The following MYOM1 variants were observed in gnomAD, a reference collection of about 807,000 sequenced individuals.
MYOM1 encodes myomesin-1.
In MYOM1, 164 loss-of-function variants were observed where a neutral mutation model predicts 205.3. That is an observed-to-expected ratio of 0.80 (90% CI 0.70 to 0.91). MYOM1 has a LOEUF of 0.91. MYOM1 is among the 40% of genes least tolerant of loss of function. The pLI is 0.00. For missense variants in MYOM1, 2,011 were observed against 2,127.3 expected, an observed-to-expected ratio of 0.95 and a Z score of 1.08; for synonymous variants, 772 against 789.4, an observed-to-expected ratio of 0.98 and a Z score of 0.37.
At chr18:3,178,526 A>G (rs578085784) in intron 5 of MYOM1, among the ~76,000 whole-genome samples, 1 of 152,334 alleles carries the variant, frequency 6.6e-6, no homozygotes, top group South Asian at 2.1e-4. Context: ...GGAAGGAAGA[A>G]TACTGGCTTC....
At chr18:3,199,007 A>T (rs1248568262) in intron 2 of MYOM1, among the ~76,000 whole-genome samples, 1 of 152,156 alleles carries the variant, frequency 6.6e-6, no homozygotes, top group Non-Finnish European at 1.5e-5. Flanking sequence ...GGGCTCTGAA[A>T]ATCAATCAAA....
the MYOM1 span, among the ~76,000 whole-genome samples, chr18:3,233,586 A>C: frequency 6.6e-6 from 1 of 152,234 alleles, no homozygotes; most frequent in Non-Finnish European, 1.5e-5. Flanking sequence ...ATTACTGGGT[A>C]GCACTGCCAG....
intron 12 of MYOM1, among the ~76,000 whole-genome samples, 154 bp from the exon 13 acceptor site, chr18:3,149,355 G>C (rs1046743229): frequency 6.6e-6 from 1 of 152,178 alleles, no homozygotes; most frequent in Non-Finnish European, 1.5e-5. Context: ...ATCATGTAGA[G>C]GGCACTGTGG....
At chr18:3,173,114 T>C (rs569763532) in intron 8 of MYOM1, among the ~76,000 whole-genome samples, 16 of 152,380 alleles carry the variant, frequency 1.1e-4, no homozygotes, top group Non-Finnish European at 2.1e-4. Context: ...TGTAAGTATA[T>C]AATTATTTCA....
the MYOM1 span, among the ~76,000 whole-genome samples, chr18:3,241,115 T>C: frequency 6.6e-6 from 1 of 152,128 alleles, no homozygotes; most frequent in Non-Finnish European, 1.5e-5. Context: ...GAAAATGCAA[T>C]AGAAAAGAAA....
chr18:3,100,393 A>C lies in MYOM1; in HGVS notation c.3609T>G (p.Asp1203Glu). The C allele has an allele frequency of 6.2e-7, 1 of 1,613,980 alleles. No homozygotes were observed. Among genetic ancestry groups the C allele is most frequent in the Non-Finnish European group, 8.5e-7 (1 of 1,179,876 alleles). The change falls in exon 24 of 38, where the codon GAT becomes GAG. Residue 1203 changes from aspartate to glutamate, a missense_variant. By Grantham distance (45) the Asp-to-Glu change is conservative. Coordinates refer to ENST00000356443, the MANE Select transcript of MYOM1 (RefSeq NM_003803.4). ...TKMTFKDLGMDDLGIYSCDVT... is the reference protein window; with the variant it reads ...TKMTFKDLGMEDLGIYSCDVT... ...CATCGCAAGAGTAAATACCCAAGTC[A>C]TCCATCCCAAGGTCTTTGAAGGTCA... is the stretch of plus-strand genomic sequence containing the variant.
chr18:3,139,202 G>A (rs1278839467), intron 14 of MYOM1, among the ~76,000 whole-genome samples: 1 of 152,206 alleles, frequency 6.6e-6, no homozygotes, highest in Non-Finnish European at 1.5e-5. Flanking sequence ...GTTAACTCAT[G>A]TAAGGTGCTT....
chr18:3,108,861 T>C (rs2079486573), intron 22 of MYOM1, among the ~76,000 whole-genome samples: 1 of 151,922 alleles, frequency 6.6e-6, no homozygotes, highest in Non-Finnish European at 1.5e-5. Context: ...TCAGAATTTC[T>C]AACATGCCCC....
chr18:3,211,031 T>C (rs1263368055), intron 2 of MYOM1, among the ~76,000 whole-genome samples: 3 of 152,236 alleles, frequency 2.0e-5, no homozygotes, highest in Non-Finnish European at 4.4e-5. Flanking sequence ...ACTGTCACCA[T>C]GGAAGGTTGA....
At chr18:3,108,128 C>T (rs2079475267) in intron 22 of MYOM1, among the ~76,000 whole-genome samples, 1 of 152,106 alleles carries the variant, frequency 6.6e-6, no homozygotes, top group African/African-American at 2.4e-5. Context: ...AAAAAAATGC[C>T]CTTACTCAAA....
the MYOM1 span, among the ~76,000 whole-genome samples, chr18:3,239,933 G>T: frequency 5.9e-5 from 9 of 152,090 alleles, no homozygotes; most frequent in Non-Finnish European, 2.9e-5. Context: ...TTATTAGTCA[G>T]AGTAGTAAAT....
In MYOM1 at chr18:3,207,940, A is replaced by G. The variant is rs567791940; in HGVS notation, c.290+6994T>C. ...TGAGAGCCTGGTAAAAGAGTCAAGC[A>G]CAGCAGGCAAAGAAGGAACCACATC... On this transcript the variant is annotated intron_variant, in intron 2 of 37. Coordinates refer to ENST00000356443, the MANE Select transcript of MYOM1 (RefSeq NM_003803.4). 4.9e-4 allele frequency among the ~76,000 whole-genome samples: 75 copies of G among 152,354 alleles called. 2 individuals carry two copies. The South Asian group carries it at 0.015, about 29-fold the overall frequency.
chr18:3,116,405 A>T lies in MYOM1; in HGVS notation c.3229T>A (p.Leu1077Met), dbSNP rs769859396. Residue 1077 changes from leucine (L) to methionine (M), a missense_variant, in exon 21 of 38, where the codon TTG becomes ATG. Leu to Met is a conservative substitution (Grantham distance 15). Transcript: ENST00000356443. Reference protein sequence around the residue: ...RTPVTGYFVDLKEAKAKEDQW... With the variant: ...RTPVTGYFVDMKEAKAKEDQW... ...TCTTCTTTGGCCTTGGCCTCCTTCA[A>T]GTCCACGAAGTAACCAGTGACCGGA... The T allele has an allele frequency of 4.3e-6, 7 of 1,613,600 alleles. No homozygotes were observed. In the African/African-American group the frequency reaches 9.3e-5, roughly 22 times the overall value.
rs1598739512 is a variant in MYOM1 at position 3,168,888 on chromosome 18, C to G, written c.1268G>C (p.Ser423Thr). The change falls in exon 9 of 38, where the codon AGT becomes ACT. Residue 423 changes from serine to threonine, a missense_variant. Ser to Thr is a moderately conservative substitution (Grantham distance 58). Coordinates refer to ENST00000356443, the MANE Select transcript of MYOM1 (RefSeq NM_003803.4). ...VSFGREGETMSLGCRVVITPE... is the reference protein window; with the variant it reads ...VSFGREGETMTLGCRVVITPE... ...AGTGATGACAACACGACAGCCTAGA[C>G]TCATTGTCTCTCCCTCTCTCCCAAA... 6 of 1,613,898 alleles carry G rather than the reference C, an allele frequency of 3.7e-6. No homozygotes were observed. Among genetic ancestry groups the G allele is most frequent in the Non-Finnish European group, 2.5e-6 (3 of 1,179,856 alleles).
At chr18:3,237,674 CTAAGTGAAA>C in the MYOM1 span, among the ~76,000 whole-genome samples, 1 of 150,514 alleles carries the variant, frequency 6.6e-6, no homozygotes, top group Non-Finnish European at 1.5e-5. Flanking sequence ...GAACATTATG[CTAAGTGAAA>C]TAAGCCAGTC....
rs775700888 is a variant in MYOM1, at chr18:3,067,564, C to A, written c.4765-9G>T. The stretch of plus-strand genomic sequence containing the variant: ...CAAGTGAGATTAAGGGCCTGCAAGA[C>A]AGGTTTTATGGGAGAGAAGAAGATA... On this transcript the variant is annotated splice_polypyrimidine_tract_variant and intron_variant, in intron 37 of 37. Transcript: ENST00000356443. 14 of 1,608,320 alleles carry A rather than the reference C, an allele frequency of 8.7e-6. No individual in the cohort carries two copies. Among genetic ancestry groups the A allele is most frequent in the Non-Finnish European group, 1.2e-5 (14 of 1,175,880 alleles).
chr18:3,129,628 A>G lies in MYOM1; in HGVS notation c.2507-109T>C, dbSNP rs531985251. 33 of 1,224,428 alleles carry G rather than the reference A, an allele frequency of 2.7e-5. No homozygotes were observed. The South Asian group carries it at 5.6e-4, about 21-fold the overall frequency. 75.8% of individuals were successfully genotyped at this position (1,224,428 alleles called of 1,614,324 possible). A position where few individuals can be genotyped will look rare whatever the true frequency, so the allele number is the denominator to read the frequency against. On this transcript the variant is annotated intron_variant, in intron 17 of 37. Transcript: ENST00000356443. ...CATTAGGACCACAAGCAGAACAAAA[A>G]CAGTCTTGGCTTAAAGAAAATCGCT...
chr18:3,102,934 T>C (rs1030601610), intron 22 of MYOM1, among the ~76,000 whole-genome samples: 1 of 152,220 alleles, frequency 6.6e-6, no homozygotes, highest in African/African-American at 2.4e-5. Flanking sequence ...ACAAGGCAGC[T>C]TTGGGAAAAG....
chr18:3,152,797 C>T lies in MYOM1; in HGVS notation c.1644-904G>A, dbSNP rs1356964868. 1.3e-5 allele frequency among the ~76,000 whole-genome samples: 2 copies of T among 152,132 alleles called. No homozygotes were observed. Among genetic ancestry groups the T allele is most frequent in the Middle Eastern group, 3.2e-3 (1 of 316 alleles). On this transcript the variant is annotated intron_variant, in intron 11 of 37. Transcript: ENST00000356443. This position sits in a 1 kb window ranked among gnomAD's most constrained non-coding sequence, Gnocchi z 4.3. ...TGATTCTCAGGGGCGTGGGGGTTGCCAGTGGCAGGACAGAGGTGGCTGGTG... is the reference window on the plus strand; with the variant it reads ...TGATTCTCAGGGGCGTGGGGGTTGCTAGTGGCAGGACAGAGGTGGCTGGTG...
Sources: allele counts gnomAD v4.1 joint callset (sites outside exome capture counted in the v4.1 genomes callset), GRCh38; gene constraint gnomAD v4.1.1; non-coding constraint Gnocchi (gnomAD v3.1); transcripts MANE v1.5; gene names NCBI Gene and HGNC (gene_info 2026-07-23, HGNC 2026-07-21).